The following DCC variants were observed in gnomAD, a reference collection of about 807,000 sequenced individuals.
The protein encoded by DCC is netrin receptor DCC.
Under a neutral mutation model 172.5 loss-of-function variants are expected in DCC, and 58 were observed. That is an observed-to-expected ratio of 0.34 (90% CI 0.27 to 0.42). DCC has a LOEUF of 0.42. DCC is among the 10% of genes least tolerant of loss of function. DCC has a pLI of 1.00. For missense variants in DCC, 1,740 were observed against 1,791.0 expected, an observed-to-expected ratio of 0.97 and a Z score of 0.51; for synonymous variants, 709 against 644.5, an observed-to-expected ratio of 1.10 and a Z score of -1.52.
rs955151165 is a variant in DCC, at chr18:53,505,563, G to A, written c.4111+6053G>A. On this transcript the variant is annotated intron_variant, in intron 27 of 28. Coordinates refer to ENST00000442544, the MANE Select transcript of DCC (RefSeq NM_005215.4). Reference sequence around the variant, plus strand: ...GTTTGCCCAATTACAAGAAAATATCGCATCAAGAATTGTTAGACCATATAT... The same window carrying A: ...GTTTGCCCAATTACAAGAAAATATCACATCAAGAATTGTTAGACCATATAT... Among the ~76,000 whole-genome samples, 12 of 152,170 alleles carry A rather than the reference G, an allele frequency of 7.9e-5. No individual in the cohort carries two copies. The East Asian group carries it at 1.2e-3, about 15-fold the overall frequency.
intron 8 of DCC, among the ~76,000 whole-genome samples, chr18:53,175,308 T>C (rs1393627139): frequency 6.6e-6 from 1 of 151,720 alleles, no homozygotes; most frequent in African/African-American, 2.4e-5. Context: ...TTCAACATAG[T>C]GTTGGAAGTT....
At chr18:53,066,347 A>G (rs1425852500) in intron 7 of DCC, among the ~76,000 whole-genome samples, 181 bp downstream of exon 7, 1 of 87,344 alleles carries the variant, frequency 1.1e-5, no homozygotes, top group African/African-American at 5.1e-5. Flanking sequence ...GTGTGTGTAC[A>G]TGTGTGTATA....
chr18:52,738,321 G>T (rs1220225669), intron 1 of DCC, among the ~76,000 whole-genome samples: 1 of 152,112 alleles, frequency 6.6e-6, no homozygotes. Context: ...AACTTTACAT[G>T]GTAGAGCTGA....
rs199878484 is a variant in DCC at position 52,923,664 on chromosome 18, A to G, written c.698-43A>G. 15 of 1,437,398 alleles carry G rather than the reference A, an allele frequency of 1.0e-5. No individual in the cohort carries two copies. In the East Asian group the frequency reaches 2.5e-4, roughly 24 times the overall value. 89.0% of individuals were successfully genotyped at this position (1,437,398 alleles called of 1,614,324 possible). On this transcript the variant is annotated intron_variant, in intron 3 of 28. Coordinates refer to ENST00000442544, the MANE Select transcript of DCC (RefSeq NM_005215.4). ...TCAAAATATATCATTTATCTTTGCA[A>G]TGTTTTTCATATATCATATGATACT...
chr18:53,217,741 CT>C, intron 12 of DCC, among the ~76,000 whole-genome samples: 1 of 152,178 alleles, frequency 6.6e-6, no homozygotes, highest in East Asian at 1.9e-4. Flanking sequence ...ATATTTACCC[CT>C]GACTGTGACC....
chr18:53,351,407 A>ATATATAAAG (rs1451319642), intron 15 of DCC, among the ~76,000 whole-genome samples: 1 of 19,144 alleles, frequency 5.2e-5, no homozygotes, highest in Non-Finnish European at 8.9e-5. Flanking sequence ...CAGTGTATAT[A>ATATATAAAG]TATATATATA....
intron 12 of DCC, among the ~76,000 whole-genome samples, chr18:53,261,858 G>C (rs2056608359): frequency 6.6e-6 from 1 of 152,028 alleles, no homozygotes. Context: ...ATTAGTACTG[G>C]ACTTCTTTAG....
At chr18:52,904,147 A>G (rs2039847141) in intron 2 of DCC, among the ~76,000 whole-genome samples, 1 of 152,212 alleles carries the variant, frequency 6.6e-6, no homozygotes, top group African/African-American at 2.4e-5. Context: ...GTAATTTTAG[A>G]ATATATATGT....
intron 1 of DCC, among the ~76,000 whole-genome samples, chr18:52,708,518 A>T (rs1427277621): frequency 6.6e-6 from 1 of 152,102 alleles, no homozygotes; most frequent in Non-Finnish European, 1.5e-5. Flanking sequence ...ATAGGACCAC[A>T]TCCAATAACA....
At chr18:53,334,358 C>A (rs1322901675) in intron 14 of DCC, among the ~76,000 whole-genome samples, 1 of 152,122 alleles carries the variant, frequency 6.6e-6, no homozygotes, top group African/African-American at 2.4e-5. Flanking sequence ...CCTATAGTAA[C>A]CTGGTCTGTA....
chr18:52,372,866 G>A (rs1344332451), intron 1 of DCC, among the ~76,000 whole-genome samples: 1 of 152,104 alleles, frequency 6.6e-6, no homozygotes, highest in Non-Finnish European at 1.5e-5. Flanking sequence ...ACAAAAACCC[G>A]AGATGATAAA....
At chr18:53,077,121 T>C (rs1201818768) in intron 7 of DCC, among the ~76,000 whole-genome samples, 1 of 152,136 alleles carries the variant, frequency 6.6e-6, no homozygotes, top group Non-Finnish European at 1.5e-5. Flanking sequence ...TGTGGGCCTA[T>C]CAACATGTCT....
chr18:52,688,478 G>A (rs911812665), intron 1 of DCC, among the ~76,000 whole-genome samples: 1 of 152,020 alleles, frequency 6.6e-6, no homozygotes, highest in Admixed American at 6.6e-5. Context: ...ATCTAAAAAT[G>A]CTACAAAAAG....
chr18:53,017,351 C>G (rs1444663374), intron 5 of DCC, among the ~76,000 whole-genome samples: 1 of 152,130 alleles, frequency 6.6e-6, no homozygotes, highest in African/African-American at 2.4e-5. Flanking sequence ...TAATATGCCA[C>G]TAGTCATTCT....
intron 1 of DCC, among the ~76,000 whole-genome samples, chr18:52,555,463 AGC>A (rs2032891425): frequency 6.6e-6 from 1 of 152,142 alleles, no homozygotes; most frequent in Non-Finnish European, 1.5e-5. Context: ...ATAAGAAGAA[AGC>A]AATGTACATT....
intron 1 of DCC, among the ~76,000 whole-genome samples, chr18:52,749,575 A>G (rs2036963852): frequency 6.6e-6 from 1 of 152,254 alleles, no homozygotes; most frequent in South Asian, 2.1e-4. Flanking sequence ...TATAATTGTT[A>G]TAAAGAGTAC....
intron 5 of DCC, among the ~76,000 whole-genome samples, chr18:52,946,164 G>C (rs2040541520): frequency 6.6e-6 from 1 of 152,158 alleles, no homozygotes; most frequent in South Asian, 2.1e-4. Flanking sequence ...ACTGAATCAA[G>C]TACAGATTTA....
At chr18:53,088,793 A>G (rs2042960029) in intron 7 of DCC, among the ~76,000 whole-genome samples, 1 of 152,110 alleles carries the variant, frequency 6.6e-6, no homozygotes, top group East Asian at 1.9e-4. Context: ...CCCAGCAATG[A>G]TTTTCTATTA....
intron 1 of DCC, among the ~76,000 whole-genome samples, chr18:52,640,995 A>G (rs568724922): frequency 6.6e-6 from 1 of 152,164 alleles, no homozygotes; most frequent in African/African-American, 2.4e-5. Flanking sequence ...CCAAAACAGC[A>G]TGGTACTGGC....
Sources: allele counts gnomAD v4.1 joint callset (sites outside exome capture counted in the v4.1 genomes callset), GRCh38; gene constraint gnomAD v4.1.1; transcripts MANE v1.5; gene names NCBI Gene and HGNC (gene_info 2026-07-23, HGNC 2026-07-21).